Variants in STX17 observed in about 807,000 individuals in gnomAD.
STX17 encodes the protein syntaxin 17, also known as syntaxin-17.
A neutral mutation model predicts 35.9 loss-of-function variants in STX17; 29 were observed. That is an observed-to-expected ratio of 0.81 (90% CI 0.60 to 1.10). The LOEUF (loss-of-function observed/expected upper bound fraction) is 1.10. Ranked by LOEUF, STX17 falls within the 50% of genes least tolerant of loss-of-function variation. STX17 has a pLI of 0.00. For synonymous variants in STX17, 92 were observed against 118.3 expected (o/e 0.78, Z 1.44); for missense variants, 312 against 352.3 (o/e 0.89, Z 0.92).
intron 3 of STX17, among the ~76,000 whole-genome samples, chr9:99,929,409 T>A (rs1489053812): frequency 1.3e-5 from 2 of 151,778 alleles, no homozygotes; most frequent in Admixed American, 6.6e-5. Context: ...TTAACATAAT[T>A]TTTAAAAATA....
chr9:99,910,062 G>A (rs1304997098), intron 1 of STX17, among the ~76,000 whole-genome samples: 4 of 151,794 alleles, frequency 2.6e-5, no homozygotes, highest in African/African-American at 4.8e-5. Context: ...GTGAAACCCC[G>A]TCTCTACTAA....
At chr9:99,960,254 T>C (rs539488523) in intron 6 of STX17, 99 bp downstream of exon 6, 5 of 1,256,640 alleles carry the variant, frequency 4.0e-6, no homozygotes, top group South Asian at 1.4e-5. Flanking sequence ...ATAGAACTTA[T>C]AATTTTTAAG....
chr9:99,916,813 C>G (rs574922162), intron 2 of STX17, among the ~76,000 whole-genome samples: 3 of 152,196 alleles, frequency 2.0e-5, no homozygotes, highest in African/African-American at 4.8e-5. Context: ...TGAATGGAAG[C>G]AAATTAAGGC....
intron 2 of STX17, among the ~76,000 whole-genome samples, chr9:99,919,842 C>T (rs1372036728): frequency 1.3e-5 from 2 of 151,830 alleles, no homozygotes; most frequent in Non-Finnish European, 2.9e-5. Context: ...AGGAAATAGT[C>T]AAAAAATGAT....
In STX17 at chr9:99,951,173, A is replaced by G; in HGVS notation, c.303A>G (p.Ala101=). The G allele has an allele frequency of 6.2e-7, 1 of 1,613,194 alleles. No individual in the cohort carries two copies. Among genetic ancestry groups the G allele is most frequent in the Non-Finnish European group, 8.5e-7 (1 of 1,179,284 alleles). The change falls in exon 4 of 8, where the codon GCA becomes GCG. Residue 101 remains alanine (A), a synonymous_variant. Transcript: ENST00000259400. ...IDPVKEEASA[A]TAEFLQLHLE... is the part of the protein sequence containing the mutation. ...CTGTTAAAGAAGAAGCATCAGCAGC[A>G]ACAGCAGAATTTCTCCAACTCCATT...
At chr9:99,956,665 C>T (rs1453271266) in intron 4 of STX17, among the ~76,000 whole-genome samples, 1 of 152,152 alleles carries the variant, frequency 6.6e-6, no homozygotes, top group Non-Finnish European at 1.5e-5. Flanking sequence ...GTAAAACTTA[C>T]TCTGTATCGC....
At chr9:99,908,385 C>A (rs1828593399) in intron 1 of STX17, among the ~76,000 whole-genome samples, 1 of 152,174 alleles carries the variant, frequency 6.6e-6, no homozygotes, top group Non-Finnish European at 1.5e-5. Context: ...TGATTTTCTA[C>A]TTTCCTCATT....
chr9:99,957,551 A>C (rs556759038), intron 4 of STX17, among the ~76,000 whole-genome samples: 1 of 152,076 alleles, frequency 6.6e-6, no homozygotes, highest in African/African-American at 2.4e-5. Flanking sequence ...TTTTGTTTCC[A>C]TTTCTACTGT....
chr9:99,907,617 G>GT (rs1828577420), intron 1 of STX17, among the ~76,000 whole-genome samples: 1 of 152,078 alleles, frequency 6.6e-6, no homozygotes, highest in Non-Finnish European at 1.5e-5. Flanking sequence ...ACTTCTAAAT[G>GT]TTTTTACCTG....
intron 7 of STX17, 130 bp from the exon 8 acceptor site, chr9:99,968,304 C>A: frequency 2.6e-6 from 3 of 1,154,972 alleles, no homozygotes; most frequent in African/African-American, 1.6e-5. Context: ...CCTACAAGTA[C>A]AGTCTCTAAG....
In STX17 at chr9:99,915,343, A is replaced by G. The variant is rs777373695; in HGVS notation, c.104A>G (p.His35Arg). ...IPTDLERLRK[H>R]QINIEKYQRC... ...ACAGACCTGGAAAGGTTAAGAAAGCACCAGATAAATATTGAGAAGGTGAGC... is the reference window on the plus strand; with the variant it reads ...ACAGACCTGGAAAGGTTAAGAAAGCGCCAGATAAATATTGAGAAGGTGAGC... Residue 35 changes from histidine to arginine, a missense_variant, in exon 2 of 8, where the codon CAC becomes CGC. Transcript: ENST00000259400. The G allele has an allele frequency of 3.1e-6, 5 of 1,605,206 alleles. No individual in the cohort carries two copies. In the East Asian group the frequency reaches 1.1e-4, roughly 36 times the overall value.
rs1828742667 is a variant in STX17 at position 99,915,193 on chromosome 9, T to C, written c.-47T>C. 5.7e-6 allele frequency: 9 copies of C among 1,570,778 alleles called. No individual in the cohort carries two copies. Among genetic ancestry groups the C allele is most frequent in the Non-Finnish European group, 7.7e-6 (9 of 1,162,376 alleles). Reference sequence around the variant, plus strand: ...TTTCTTTTAGGTTTTTCTATATGAGTGGAGAAGACAGCTGTTACCAGGGAG... The same window carrying C: ...TTTCTTTTAGGTTTTTCTATATGAGCGGAGAAGACAGCTGTTACCAGGGAG... On this transcript the variant is annotated 5_prime_UTR_variant, in exon 2 of 8. Coordinates refer to ENST00000259400, the MANE Select transcript of STX17 (RefSeq NM_017919.3).
intron 3 of STX17, among the ~76,000 whole-genome samples, chr9:99,938,713 G>A (rs919837112): frequency 6.8e-6 from 1 of 146,130 alleles, no homozygotes; most frequent in African/African-American, 2.5e-5. Context: ...CTTGAGCCTG[G>A]GATATTGAGA....
intron 2 of STX17, among the ~76,000 whole-genome samples, chr9:99,925,676 C>A (rs1448894616): frequency 6.6e-6 from 1 of 152,088 alleles, no homozygotes; most frequent in African/African-American, 2.4e-5. Flanking sequence ...AAGATGTTGT[C>A]CCACTGTCTT....
chr9:99,953,776 C>G (rs944966668), intron 4 of STX17, among the ~76,000 whole-genome samples: 2 of 152,002 alleles, frequency 1.3e-5, no homozygotes, highest in African/African-American at 4.8e-5. Context: ...CCCTATCAAA[C>G]AAAAATTTGG....
Position 99,959,898 on chromosome 9 carries a change from G to T in STX17, c.416-19G>T. On this transcript the variant is annotated intron_variant, in intron 4 of 7. Transcript: ENST00000259400. ...CAAAGCAAATAAACTCTAAACATGG[G>T]GTTATTATGTTCATCCAGGAGCATT... is the stretch of plus-strand genomic sequence containing the variant. 6.5e-7 allele frequency: 1 copy of T among 1,548,800 alleles called. No homozygotes were observed. The highest frequency in any genetic ancestry group is 2.2e-5 in the East Asian group (1 of 44,528).
intron 2 of STX17, among the ~76,000 whole-genome samples, chr9:99,926,659 G>A (rs776512819): frequency 4.0e-5 from 6 of 151,864 alleles, no homozygotes; most frequent in Non-Finnish European, 7.4e-5. Context: ...CACCACACCC[G>A]GCTAATTTTT....
At chr9:99,940,994 A>G (rs1304863989) in intron 3 of STX17, among the ~76,000 whole-genome samples, 1 of 152,164 alleles carries the variant, frequency 6.6e-6, no homozygotes, top group East Asian at 1.9e-4. Flanking sequence ...CCACTTCACT[A>G]TTTTATGCTT....
chr9:99,925,519 C>T (rs1342547002), intron 2 of STX17, among the ~76,000 whole-genome samples: 1 of 152,144 alleles, frequency 6.6e-6, no homozygotes, highest in Non-Finnish European at 1.5e-5. Context: ...ACTTTTTAAA[C>T]ATTCCTTCTA....
Sources: gnomAD v4.1 joint callset for allele counts (sites outside exome capture counted in the v4.1 genomes callset) on GRCh38, gnomAD v4.1.1 for gene constraint, MANE v1.5 for transcripts, NCBI Gene and HGNC (gene_info 2026-07-23, HGNC 2026-07-21) for gene names.